Variants in CDH12 observed in about 807,000 individuals in gnomAD.
CDH12 encodes the protein cadherin 12, also known as cadherin-12.
Under a neutral mutation model 74.1 loss-of-function variants are expected in CDH12, and 41 were observed. The observed-to-expected ratio is 0.55, with a 90% CI of 0.43 to 0.72. The LOEUF is 0.72. CDH12 is among the 30% of genes least tolerant of loss of function. The pLI is 0.00. For missense variants in CDH12, 945 were observed against 977.2 expected (o/e 0.97, Z 0.44); for synonymous variants, 399 against 355.0 (o/e 1.12, Z -1.39).
chr5:22,764,165 C>T (rs1746378809), intron 1 of CDH12, among the ~76,000 whole-genome samples: 1 of 151,730 alleles, frequency 6.6e-6, no homozygotes, highest in Non-Finnish European at 1.5e-5. Context: ...TATACAGATT[C>T]TTTAATTGTT....
intron 4 of CDH12, among the ~76,000 whole-genome samples, chr5:22,102,878 G>C (rs905283266): frequency 6.6e-5 from 10 of 152,012 alleles, no homozygotes; most frequent in Admixed American, 6.6e-5. Context: ...GATGCAGCAA[G>C]AAGATCCTCA....
intron 5 of CDH12, among the ~76,000 whole-genome samples, chr5:21,990,962 T>C (rs1757718732): frequency 6.6e-6 from 1 of 151,896 alleles, no homozygotes; most frequent in Non-Finnish European, 1.5e-5. Context: ...TGAAATATCT[T>C]GAGAGAAAAA....
intron 1 of CDH12, among the ~76,000 whole-genome samples, chr5:22,849,028 C>T (rs1737431896): frequency 6.6e-6 from 1 of 151,850 alleles, no homozygotes; most frequent in South Asian, 2.1e-4. Flanking sequence ...CCCCTTTTAC[C>T]CCAACGTGAC....
At chr5:22,083,857 G>A (rs1170650033) in intron 4 of CDH12, among the ~76,000 whole-genome samples, 2 of 152,050 alleles carry the variant, frequency 1.3e-5, no homozygotes, top group Non-Finnish European at 2.9e-5. Context: ...ATATGTGCCC[G>A]CAAACTTGAG....
intron 3 of CDH12, among the ~76,000 whole-genome samples, chr5:22,226,044 GC>G (rs1334281419): frequency 6.6e-6 from 1 of 151,820 alleles, no homozygotes; most frequent in Non-Finnish European, 1.5e-5. Context: ...GAAGCTAGAC[GC>G]CCCCTTTAGC....
intron 1 of CDH12, among the ~76,000 whole-genome samples, chr5:22,618,656 A>G (rs1737805844): frequency 6.6e-6 from 1 of 152,148 alleles, no homozygotes; most frequent in Admixed American, 6.6e-5. Flanking sequence ...TCTTGCCTCT[A>G]TAAATTATTC....
At chr5:22,013,807 A>C (rs546021733) in intron 5 of CDH12, among the ~76,000 whole-genome samples, 1 of 152,338 alleles carries the variant, frequency 6.6e-6, no homozygotes, top group Non-Finnish European at 1.5e-5. Flanking sequence ...ATGTTTTCGT[A>C]AATCTCATCT....
intron 5 of CDH12, among the ~76,000 whole-genome samples, chr5:22,042,225 C>T (rs1016593011): frequency 1.3e-5 from 2 of 150,324 alleles, no homozygotes; most frequent in Admixed American, 6.6e-5. Context: ...CTCAAATAAA[C>T]AACCTAACAT....
intron 7 of CDH12, among the ~76,000 whole-genome samples, chr5:21,850,577 T>C (rs1750410900): frequency 6.6e-6 from 1 of 151,618 alleles, no homozygotes; most frequent in Non-Finnish European, 1.5e-5. Flanking sequence ...CCAACATATT[T>C]TAGAAGACAT....
chr5:21,802,949 A>G (rs1338225558), intron 9 of CDH12, among the ~76,000 whole-genome samples: 2 of 152,140 alleles, frequency 1.3e-5, no homozygotes, highest in Non-Finnish European at 2.9e-5. Context: ...TCAGTTGCCT[A>G]TGTTTGAAAA....
At chr5:22,410,199 C>T (rs959547663) in intron 2 of CDH12, among the ~76,000 whole-genome samples, 1 of 152,028 alleles carries the variant, frequency 6.6e-6, no homozygotes, top group African/African-American at 2.4e-5. Context: ...CCATTCTCCC[C>T]CAAGGATAGG....
chr5:22,730,351 A>G (rs1744370735), intron 1 of CDH12, among the ~76,000 whole-genome samples: 1 of 151,764 alleles, frequency 6.6e-6, no homozygotes, highest in Admixed American at 6.6e-5. Flanking sequence ...TTGCCCCGAG[A>G]TCAGTTTTTC....
At chr5:21,841,193 C>T (rs1207379354) in intron 8 of CDH12, among the ~76,000 whole-genome samples, 1 of 151,868 alleles carries the variant, frequency 6.6e-6, no homozygotes, top group Non-Finnish European at 1.5e-5. Context: ...AAAAAGTGGG[C>T]AAAGGATATG....
intron 2 of CDH12, among the ~76,000 whole-genome samples, chr5:22,437,849 C>T (rs375144480): frequency 5.3e-4 from 80 of 152,112 alleles, no homozygotes; most frequent in African/African-American, 1.8e-3. Flanking sequence ...ACCTCAGATA[C>T]ACCCACAGTT....
intron 6 of CDH12, among the ~76,000 whole-genome samples, chr5:21,871,165 T>C (rs2150019143): frequency 6.6e-6 from 1 of 152,208 alleles, no homozygotes; most frequent in East Asian, 1.9e-4. Context: ...GGCTAAGAAT[T>C]CTCCTAGAAG....
At chr5:22,517,319 A>T (rs905021625) in intron 1 of CDH12, among the ~76,000 whole-genome samples, 4 of 152,050 alleles carry the variant, frequency 2.6e-5, no homozygotes, top group African/African-American at 9.7e-5. Context: ...ATTATTTTTG[A>T]AATTTTGCCT....
intron 3 of CDH12, among the ~76,000 whole-genome samples, chr5:22,277,780 G>A (rs191393597): frequency 6.6e-6 from 1 of 152,310 alleles, no homozygotes; most frequent in East Asian, 1.9e-4. Context: ...ATTGCAGTGG[G>A]CCGAGATTGC....
chr5:21,957,679 GT>G lies in CDH12; in HGVS notation c.526+17411del, dbSNP rs969525023. Reference sequence around the variant, plus strand: ...TCTAATGATCAGTGATATTGAGTTTGTTTTTTTTCACATGCTTGTTGGCTGC... The same window carrying G: ...TCTAATGATCAGTGATATTGAGTTTGTTTTTTTCACATGCTTGTTGGCTGC... On this transcript the variant is annotated intron_variant, in intron 6 of 14. Coordinates refer to ENST00000382254, the MANE Select transcript of CDH12 (RefSeq NM_004061.5). 3.0e-4 allele frequency among the ~76,000 whole-genome samples: 46 copies of G among 151,588 alleles called. 1 individual carries two copies. Among genetic ancestry groups the G allele is most frequent in the African/African-American group, 8.7e-4 (36 of 41,312 alleles).
chr5:22,593,300 A>G (rs1037185613), intron 1 of CDH12, among the ~76,000 whole-genome samples: 1 of 151,938 alleles, frequency 6.6e-6, no homozygotes, highest in East Asian at 1.9e-4. Context: ...TTTTCTCCTG[A>G]GTTACAGAGC....
Sources: allele counts gnomAD v4.1 joint callset (sites outside exome capture counted in the v4.1 genomes callset), GRCh38; gene constraint gnomAD v4.1.1; transcripts MANE v1.5; gene names NCBI Gene and HGNC (gene_info 2026-07-23, HGNC 2026-07-21).